Variants in VPS35L observed in about 807,000 individuals in gnomAD.
The protein encoded by VPS35L is VPS35 endosomal protein sorting factor like.
VPS35L carries 83 observed loss-of-function variants against 133.0 expected under a neutral mutation model. That is an observed-to-expected ratio of 0.62 (90% confidence interval 0.52 to 0.75). The LOEUF (loss-of-function observed/expected upper bound fraction) is 0.75, where lower values mean the gene tolerates loss of function less well. VPS35L is among the 30% of genes least tolerant of loss of function. The pLI is 0.00. For missense variants in VPS35L, 1,083 were observed against 1,206.8 expected (o/e 0.90, Z 1.52); for synonymous variants, 423 against 449.9 (o/e 0.94, Z 0.76).
intron 24 of VPS35L, 55 bp from the exon 25 acceptor site, chr16:19,650,327 C>T (rs982382386): frequency 1.5e-6 from 2 of 1,354,754 alleles, no homozygotes; most frequent in Non-Finnish European, 1.1e-6. Context: ...ATGGAAGACA[C>T]TCATCTGAAT....
In VPS35L at chr16:19,579,145, T is replaced by G; in HGVS notation, c.510+17T>G. 6.2e-7 allele frequency: 1 copy of G among 1,611,538 alleles called. No individual in the cohort carries two copies. The highest frequency in any genetic ancestry group is 1.1e-5 in the South Asian group (1 of 90,700). The stretch of plus-strand genomic sequence containing the variant: ...TTTGAGGAGGTGAGCAAGTCATTTG[T>G]GGAATACAGGGAGTGGGAGAGCTTT... On this transcript the variant is annotated intron_variant, in intron 6 of 30. Transcript: ENST00000417362.
chr16:19,693,651 G>T (rs1371992875), intron 29 of VPS35L, among the ~76,000 whole-genome samples: 1 of 152,130 alleles, frequency 6.6e-6, no homozygotes, highest in Non-Finnish European at 1.5e-5. Flanking sequence ...GGGTGTGGTG[G>T]TGTGTGCCTG....
intron 23 of VPS35L, among the ~76,000 whole-genome samples, chr16:19,646,532 G>T (rs1973955371): frequency 6.6e-6 from 1 of 152,116 alleles, no homozygotes; most frequent in Non-Finnish European, 1.5e-5. Context: ...GGGTGTTGTG[G>T]TGCATGCCTG....
chr16:19,621,779 C>T (rs1247188580), intron 14 of VPS35L, among the ~76,000 whole-genome samples: 4 of 152,228 alleles, frequency 2.6e-5, no homozygotes, highest in African/African-American at 9.6e-5. Flanking sequence ...TCCTTTATGA[C>T]AACAGAGCCT....
chr16:19,676,682 G>T (rs1597424643), intron 27 of VPS35L, among the ~76,000 whole-genome samples: 1 of 152,120 alleles, frequency 6.6e-6, no homozygotes, highest in African/African-American at 2.4e-5. Flanking sequence ...GGAGAAAAAG[G>T]TCCAGCCATA....
At chr16:19,583,093 G>A (rs1242592208) in intron 7 of VPS35L, among the ~76,000 whole-genome samples, 1 of 152,056 alleles carries the variant, frequency 6.6e-6, no homozygotes. Context: ...GCTTTACTAA[G>A]GCATATTTTA....
intron 7 of VPS35L, chr16:19,587,346 A>G: frequency 2.2e-6 from 1 of 453,510 alleles, no homozygotes; most frequent in Non-Finnish European, 4.4e-6. Context: ...TCAATTGACC[A>G]AGGCTGGGCG....
intron 24 of VPS35L, among the ~76,000 whole-genome samples, chr16:19,649,245 C>T (rs1038400981): frequency 6.6e-6 from 1 of 152,102 alleles, no homozygotes. Context: ...CCTGCCTCGG[C>T]GTCCCAAAGT....
At chr16:19,684,995 T>C (rs1975408779) in intron 28 of VPS35L, among the ~76,000 whole-genome samples, 1 of 150,006 alleles carries the variant, frequency 6.7e-6, no homozygotes, top group Admixed American at 6.7e-5. Context: ...GAGGCTGCAG[T>C]GAGCCAAGAT....
In VPS35L at chr16:19,682,305, C is replaced by T. The variant is rs117014682; in HGVS notation, c.2442C>T (p.Ser814=). 0.023 allele frequency: 36,703 copies of T among 1,613,630 alleles called. 515 individuals carry two copies. The highest frequency in any genetic ancestry group is 0.027 in the Non-Finnish European group (31,401 of 1,179,846). Residue 814 remains serine (S), a synonymous_variant, in exon 28 of 31, where the codon AGC becomes AGT. Coordinates refer to ENST00000417362, the MANE Select transcript of VPS35L (RefSeq NM_020314.7). ...AGGACTACACCTGGGAGGACAACAG[C>T]GATGAGAAAATCCGCATCTACACCT... is the stretch of plus-strand genomic sequence containing the variant. ...VIQDYTWEDN[S]DEKIRIYTCV... is the part of the protein sequence containing the mutation.
chr16:19,577,863 T>A (rs1262015884), intron 5 of VPS35L, among the ~76,000 whole-genome samples: 2 of 152,236 alleles, frequency 1.3e-5, no homozygotes, highest in Non-Finnish European at 2.9e-5. Flanking sequence ...CATCAGGCAC[T>A]GGGACCTAAT....
chr16:19,611,043 A>G (rs1319837171), intron 12 of VPS35L, among the ~76,000 whole-genome samples: 1 of 152,192 alleles, frequency 6.6e-6, no homozygotes, highest in Non-Finnish European at 1.5e-5. Context: ...TGTGTCGCCC[A>G]GGCTGGAGTG....
Position 19,699,612 on chromosome 16 carries a change from G to C in VPS35L, c.2757G>C (p.Leu919=). 6.2e-7 allele frequency: 1 copy of C among 1,614,046 alleles called. No individual in the cohort carries two copies. The highest frequency in any genetic ancestry group is 8.5e-7 in the Non-Finnish European group (1 of 1,180,034). ...AGCTCTCCGTCAACCTGTGGCACCTGGCACAGAGGCACGGCTGTGCAGACA... is the reference window on the plus strand; with the variant it reads ...AGCTCTCCGTCAACCTGTGGCACCTCGCACAGAGGCACGGCTGTGCAGACA... ...LNQLSVNLWH[L]AQRHGCADTR... Residue 919 remains leucine (L), a synonymous_variant, in exon 30 of 31, where the codon CTG becomes CTC. Coordinates refer to ENST00000417362, the MANE Select transcript of VPS35L (RefSeq NM_020314.7). This position sits in a 1 kb window ranked among gnomAD's most constrained non-coding sequence, Gnocchi z 4.2.
chr16:19,583,630 G>A (rs1355498908), intron 7 of VPS35L, among the ~76,000 whole-genome samples: 2 of 151,682 alleles, frequency 1.3e-5, no homozygotes, highest in Non-Finnish European at 2.9e-5. Context: ...GCTGAGGCAC[G>A]AGAATTGCGT....
At chr16:19,694,935 G>C (rs977525384) in intron 29 of VPS35L, among the ~76,000 whole-genome samples, 6 of 152,044 alleles carry the variant, frequency 3.9e-5, no homozygotes, top group Non-Finnish European at 7.4e-5. Context: ...GAACCCAGGA[G>C]GGGGAGGTTG....
At chr16:19,556,682 C>T (rs1350777762) in intron 1 of VPS35L, among the ~76,000 whole-genome samples, 1 of 152,202 alleles carries the variant, frequency 6.6e-6, no homozygotes, top group East Asian at 1.9e-4. Flanking sequence ...CAGGTACAAC[C>T]TTCTGCTTTT....
chr16:19,645,986 G>A (rs900622476), intron 23 of VPS35L, among the ~76,000 whole-genome samples: 1 of 151,704 alleles, frequency 6.6e-6, no homozygotes, highest in African/African-American at 2.4e-5. Flanking sequence ...TGGGGGGGTC[G>A]AGACAGGGGT....
chr16:19,603,781 G>C (rs1392816683), intron 9 of VPS35L, among the ~76,000 whole-genome samples: 1 of 152,124 alleles, frequency 6.6e-6, no homozygotes, highest in Non-Finnish European at 1.5e-5. Flanking sequence ...GCCCAGGCTG[G>C]AGGGCAATGA....
intron 26 of VPS35L, among the ~76,000 whole-genome samples, chr16:19,665,594 G>A (rs1016671848): frequency 1.3e-5 from 2 of 152,210 alleles, no homozygotes; most frequent in East Asian, 3.8e-4. Context: ...CGGACACTTA[G>A]ATTGCTTCCA....
Sources: allele counts gnomAD v4.1 joint callset (sites outside exome capture counted in the v4.1 genomes callset), GRCh38; gene constraint gnomAD v4.1.1; non-coding constraint Gnocchi (gnomAD v3.1); transcripts MANE v1.5; gene names NCBI Gene and HGNC (gene_info 2026-07-23, HGNC 2026-07-21).